Variants in RANBP2 observed in about 807,000 individuals in gnomAD.
The protein encoded by RANBP2 is E3 SUMO-protein ligase RanBP2.
A neutral mutation model predicts 303.6 loss-of-function variants in RANBP2; 57 were observed. The observed-to-expected ratio is 0.19, with a 90% confidence interval of 0.15 to 0.23. RANBP2 has a LOEUF of 0.23. RANBP2 is among the 10% of genes least tolerant of loss of function. RANBP2 has a pLI of 1.00. For missense variants in RANBP2, 3,138 were observed against 3,780.8 expected, an observed-to-expected ratio of 0.83 and a Z score of 4.46; for synonymous variants, 1,167 against 1,301.5, an observed-to-expected ratio of 0.90 and a Z score of 2.23.
chr2:109,551,664 C>T, the RANBP2 span, among the ~76,000 whole-genome samples: 1,789 of 152,296 alleles, frequency 0.012, 16 homozygotes, highest in Non-Finnish European at 0.021. Flanking sequence ...AATAAAACAT[C>T]AAAATTCGCA....
the RANBP2 span, among the ~76,000 whole-genome samples, chr2:109,156,137 A>G: frequency 6.6e-6 from 1 of 152,162 alleles, no homozygotes; most frequent in Non-Finnish European, 1.5e-5. Flanking sequence ...CAATTTCTGC[A>G]TTGTCTGATT....
chr2:109,606,340 G>A, the RANBP2 span, among the ~76,000 whole-genome samples: 16 of 152,090 alleles, frequency 1.1e-4, no homozygotes, highest in Admixed American at 2.6e-4. Flanking sequence ...GTTTGAACCC[G>A]GGAGGCAGAG....
the RANBP2 span, among the ~76,000 whole-genome samples, chr2:108,844,933 A>G: frequency 6.6e-6 from 1 of 152,000 alleles, no homozygotes; most frequent in African/African-American, 2.4e-5. Flanking sequence ...TTTTTAGTAG[A>G]GACGGGGTTT....
At chr2:108,721,074 C>G (rs1489627562) in intron 1 of RANBP2, among the ~76,000 whole-genome samples, 1 of 152,008 alleles carries the variant, frequency 6.6e-6, no homozygotes, top group Non-Finnish European at 1.5e-5. Context: ...AAAAAAAACC[C>G]GGAAACTCAC....
In RANBP2 at chr2:108,753,548, T is replaced by C. The variant is rs201294188; in HGVS notation, c.2040T>C (p.Tyr680=). Residue 680 remains tyrosine (Y), a synonymous_variant, in exon 14 of 29, where the codon TAT becomes TAC. Transcript: ENST00000283195. ...AFESIKSVVS[Y]WNLALIFHRK... ...AATCTATAAAAAGTGTTGTTTCTTATTGGAATCTTGCACTGGTAAGTAGAT... is the reference window on the plus strand; with the variant it reads ...AATCTATAAAAAGTGTTGTTTCTTACTGGAATCTTGCACTGGTAAGTAGAT... 2.6e-5 allele frequency: 42 copies of C among 1,611,608 alleles called. No homozygotes were observed. Among genetic ancestry groups the C allele is most frequent in the Admixed American group, 3.3e-5 (2 of 59,964 alleles).
the RANBP2 span, among the ~76,000 whole-genome samples, chr2:109,078,268 G>GTATATATA: frequency 1.1e-3 from 52 of 46,252 alleles, 3 homozygotes; most frequent in African/African-American, 3.3e-3. Flanking sequence ...TATATAGCGC[G>GTATATATA]TATATATATA....
At chr2:109,442,857 A>C in the RANBP2 span, among the ~76,000 whole-genome samples, 4 of 152,270 alleles carry the variant, frequency 2.6e-5, no homozygotes, top group African/African-American at 9.6e-5. Flanking sequence ...TAATCATGTA[A>C]GTAATCACAC....
At chr2:109,443,138 G>T in the RANBP2 span, among the ~76,000 whole-genome samples, 1 of 152,264 alleles carries the variant, frequency 6.6e-6, no homozygotes, top group Non-Finnish European at 1.5e-5. Context: ...TGGCATGCGT[G>T]CATGGGTGTG....
rs571417436 is a variant in RANBP2, at chr2:108,734,645, A to C, written c.406-887A>C. ...AAACTTGATGATGTTATTGTCTTGA[A>C]GGGAACTTGTCATGTGGTGGAGAAG... On this transcript the variant is annotated intron_variant, in intron 4 of 28. Coordinates refer to ENST00000283195, the MANE Select transcript of RANBP2 (RefSeq NM_006267.5). Among the ~76,000 whole-genome samples the C allele has an allele frequency of 4.4e-3, 675 of 152,188 alleles. 4 individuals carry two copies. Among genetic ancestry groups the C allele is most frequent in the African/African-American group, 0.016 (644 of 41,486 alleles).
chr2:108,726,258 A>G (rs1331809730), intron 1 of RANBP2, among the ~76,000 whole-genome samples: 1 of 152,180 alleles, frequency 6.6e-6, no homozygotes, highest in Non-Finnish European at 1.5e-5. Context: ...GCCACCCGCT[A>G]GTTACATACT....
the RANBP2 span, among the ~76,000 whole-genome samples, chr2:108,995,187 G>T: frequency 6.6e-6 from 1 of 151,974 alleles, no homozygotes; most frequent in Admixed American, 6.6e-5. Flanking sequence ...TAGAGACAGG[G>T]TCTTGCTCCA....
At chr2:108,887,209 C>G in the RANBP2 span, among the ~76,000 whole-genome samples, 1 of 151,606 alleles carries the variant, frequency 6.6e-6, no homozygotes, top group South Asian at 2.1e-4. Context: ...TGTCTTATTT[C>G]TGGTTTCTTT....
chr2:108,866,880 GA>G, the RANBP2 span, among the ~76,000 whole-genome samples: 4,044 of 139,612 alleles, frequency 0.029, 163 homozygotes, highest in African/African-American at 0.1. Context: ...AAGACTGTCT[GA>G]AAAAAAAAAA....
At chr2:108,747,193 G>A (rs4012075) in intron 8 of RANBP2, among the ~76,000 whole-genome samples, 19 of 152,300 alleles carry the variant, frequency 1.2e-4, no homozygotes, top group African/African-American at 3.6e-4. Context: ...AGCTGAGAGC[G>A]TAGGGAGGAA....
chr2:108,876,286 G>A, the RANBP2 span: 1 of 1,243,958 alleles, frequency 8.0e-7, no homozygotes, highest in Non-Finnish European at 1.1e-6. Context: ...TATATGTGGT[G>A]CTTATTTATA....
chr2:109,358,140 A>T, the RANBP2 span, among the ~76,000 whole-genome samples: 1 of 152,228 alleles, frequency 6.6e-6, no homozygotes, highest in Non-Finnish European at 1.5e-5. Flanking sequence ...GGTTGAAATC[A>T]TACAATATGT....
At chr2:109,134,007 G>T in the RANBP2 span, among the ~76,000 whole-genome samples, 1 of 152,290 alleles carries the variant, frequency 6.6e-6, no homozygotes, top group Admixed American at 6.5e-5. Flanking sequence ...GGTGTCTATG[G>T]TATCTGGAAG....
the RANBP2 span, among the ~76,000 whole-genome samples, chr2:109,088,869 A>G: frequency 6.6e-6 from 1 of 152,194 alleles, no homozygotes; most frequent in Non-Finnish European, 1.5e-5. Context: ...AAAAAGTAGA[A>G]AATGGTATAT....
chr2:109,613,148 G>C, the RANBP2 span: 1 of 1,285,596 alleles, frequency 7.8e-7, no homozygotes, highest in Admixed American at 2.3e-5. Context: ...ACACGACCTT[G>C]GTACTATTAA....
Sources: allele counts gnomAD v4.1 joint callset (sites outside exome capture counted in the v4.1 genomes callset), GRCh38; gene constraint gnomAD v4.1.1; transcripts MANE v1.5; gene names NCBI Gene and HGNC (gene_info 2026-07-23, HGNC 2026-07-21).